The following SGCZ variants were observed in gnomAD, a reference collection of about 807,000 sequenced individuals.
SGCZ encodes zeta-sarcoglycan.
In SGCZ, 40 loss-of-function variants were observed where a neutral mutation model predicts 41.3. That is an observed-to-expected ratio of 0.97 (90% CI 0.75 to 1.26). The LOEUF (loss-of-function observed/expected upper bound fraction) is 1.26. Ranked by LOEUF, SGCZ falls within the 50% of genes most tolerant of loss-of-function variation. The probability of loss-of-function intolerance (pLI) is 0.00; values close to 1 mark genes in which losing one functional copy is unlikely to be tolerated. For synonymous variants in SGCZ, 206 were observed against 137.5 expected (o/e 1.50, Z -3.49); for missense variants, 552 against 369.8 (o/e 1.49, Z -4.04).
At chr8:15,149,269 T>C (rs182214752) in intron 1 of SGCZ, among the ~76,000 whole-genome samples, 368 of 152,276 alleles carry the variant, frequency 2.4e-3, no homozygotes, top group Non-Finnish European at 4.4e-3. Context: ...GGGACAGGGC[T>C]GAAATTTGAC....
intron 2 of SGCZ, among the ~76,000 whole-genome samples, chr8:14,408,161 G>T (rs529067273): frequency 6.6e-6 from 1 of 152,028 alleles, no homozygotes; most frequent in South Asian, 2.1e-4. Flanking sequence ...AAATTATGAT[G>T]TTTTTAGACA....
At chr8:14,967,839 C>T (rs1462064145) in intron 1 of SGCZ, among the ~76,000 whole-genome samples, 1 of 152,124 alleles carries the variant, frequency 6.6e-6, no homozygotes, top group South Asian at 2.1e-4. Context: ...TTACTCTCTG[C>T]CTAAATCTGC....
chr8:14,215,955 G>C (rs138642352), intron 4 of SGCZ, among the ~76,000 whole-genome samples: 1 of 152,210 alleles, frequency 6.6e-6, no homozygotes, highest in South Asian at 2.1e-4. Context: ...GTGGGCTAGG[G>C]GACCAGGCCC....
intron 1 of SGCZ, among the ~76,000 whole-genome samples, chr8:15,234,016 TA>T (rs1348081868): frequency 6.6e-6 from 1 of 152,222 alleles, no homozygotes; most frequent in African/African-American, 2.4e-5. Context: ...GGTGAATTAG[TA>T]CCCATATTTT....
chr8:14,119,277 C>T (rs1802618926), intron 5 of SGCZ, among the ~76,000 whole-genome samples: 1 of 152,162 alleles, frequency 6.6e-6, no homozygotes, highest in South Asian at 2.1e-4. Flanking sequence ...AAGTCCTTCA[C>T]ATCCCCTGTA....
chr8:14,416,173 C>CACACACTT, intron 2 of SGCZ, among the ~76,000 whole-genome samples: 1 of 151,716 alleles, frequency 6.6e-6, no homozygotes, highest in Non-Finnish European at 1.5e-5. Flanking sequence ...CGCACACACT[C>CACACACTT]ACACACACTT....
chr8:15,231,973 T>G (rs1801955018), intron 1 of SGCZ, among the ~76,000 whole-genome samples: 1 of 152,116 alleles, frequency 6.6e-6, no homozygotes, highest in African/African-American at 2.4e-5. Context: ...CACAGAGAGT[T>G]TTAGAAGCTA....
At position 15,088,714 on chromosome 8, in the gene SGCZ, T is replaced by C. The variant is rs1258542849; in HGVS notation, c.39+148871A>G. Among the ~76,000 whole-genome samples the C allele has an allele frequency of 2.6e-5, 4 of 152,290 alleles. No homozygotes were observed. The East Asian group carries it at 5.8e-4, about 22-fold the overall frequency. The stretch of plus-strand genomic sequence containing the variant: ...CCCCTGCACTTATATAAGCCTCTTT[T>C]ATTCGTCTACCATGAGGCACAGACA... On this transcript the variant is annotated intron_variant, in intron 1 of 7. Coordinates refer to ENST00000382080, the MANE Select transcript of SGCZ (RefSeq NM_139167.4).
intron 1 of SGCZ, among the ~76,000 whole-genome samples, chr8:14,858,290 T>C (rs73664490): frequency 0.024 from 3,589 of 152,138 alleles, 139 homozygotes; most frequent in African/African-American, 0.082. Flanking sequence ...ACTCATCACA[T>C]TAACAGAAGT....
chr8:14,909,684 T>A (rs936981978), intron 1 of SGCZ, among the ~76,000 whole-genome samples: 1 of 152,158 alleles, frequency 6.6e-6, no homozygotes, highest in Non-Finnish European at 1.5e-5. Context: ...TTATAAGGCA[T>A]AGTTCTAACC....
At chr8:14,101,736 T>C (rs567044756) in intron 7 of SGCZ, among the ~76,000 whole-genome samples, 40 of 152,128 alleles carry the variant, frequency 2.6e-4, no homozygotes, top group Non-Finnish European at 5.0e-4. Flanking sequence ...CCAAAGTGCT[T>C]TCTGGAAGAA....
chr8:14,544,703 G>C (rs772318882), intron 2 of SGCZ, among the ~76,000 whole-genome samples: 5 of 152,042 alleles, frequency 3.3e-5, no homozygotes, highest in Non-Finnish European at 7.4e-5. Flanking sequence ...ATTTGTGCTC[G>C]ACCGGTTCTC....
At chr8:14,547,016 A>T (rs1050610749) in intron 2 of SGCZ, among the ~76,000 whole-genome samples, 10 of 151,928 alleles carry the variant, frequency 6.6e-5, no homozygotes, top group African/African-American at 2.4e-4. Context: ...AATGCATATA[A>T]TCTTGCTGGA....
intron 1 of SGCZ, among the ~76,000 whole-genome samples, chr8:15,199,800 G>C (rs1281374037): frequency 6.6e-6 from 1 of 152,130 alleles, no homozygotes; most frequent in Non-Finnish European, 1.5e-5. Context: ...TTATGGTTAT[G>C]AAACCTATAC....
At chr8:14,559,645 A>G (rs1461396102) in intron 1 of SGCZ, among the ~76,000 whole-genome samples, 1 of 152,106 alleles carries the variant, frequency 6.6e-6, no homozygotes, top group Non-Finnish European at 1.5e-5. Context: ...AAATTACTGT[A>G]ATTTCAAACT....
Position 14,148,929 on chromosome 8 carries a change from T to G in SGCZ, c.547+15651A>C, listed in dbSNP as rs1003699460. 2.0e-4 allele frequency among the ~76,000 whole-genome samples: 31 copies of G among 152,080 alleles called. 2 individuals are homozygous for G. Among genetic ancestry groups the G allele is most frequent in the African/African-American group, 7.0e-4 (29 of 41,520 alleles). ...TACATCAAGTCAACAGAATGAAGGA[T>G]AAAAACCACATGATCCTATCAATAG... On this transcript the variant is annotated intron_variant, in intron 5 of 7. Coordinates refer to ENST00000382080, the MANE Select transcript of SGCZ (RefSeq NM_139167.4).
chr8:14,529,594 C>G (rs1461763387), intron 2 of SGCZ, among the ~76,000 whole-genome samples: 3 of 152,094 alleles, frequency 2.0e-5, no homozygotes, highest in Admixed American at 6.6e-5. Context: ...TTTGGGTATG[C>G]AATGGAGAGG....
intron 2 of SGCZ, among the ~76,000 whole-genome samples, chr8:14,524,187 C>T (rs1802871716): frequency 6.6e-6 from 1 of 151,582 alleles, no homozygotes; most frequent in Non-Finnish European, 1.5e-5. Flanking sequence ...ATGTTATTGG[C>T]TACAAGGCTC....
chr8:14,530,677 A>G (rs1299747933), intron 2 of SGCZ, among the ~76,000 whole-genome samples: 1 of 66,636 alleles, frequency 1.5e-5, no homozygotes, highest in Non-Finnish European at 2.8e-5. Flanking sequence ...ATAAGTTAAA[A>G]TATTTTTATC....
Sources: allele counts gnomAD v4.1 joint callset (sites outside exome capture counted in the v4.1 genomes callset), GRCh38; gene constraint gnomAD v4.1.1; transcripts MANE v1.5; gene names NCBI Gene and HGNC (gene_info 2026-07-23, HGNC 2026-07-21).